ADAMTS16: variants seen among roughly 807,000 people sequenced by gnomAD.
ADAMTS16 encodes the protein A disintegrin and metalloproteinase with thrombospondin motifs 16.
ADAMTS16 carries 94 observed loss-of-function variants against 145.8 expected under a neutral mutation model. The observed-to-expected ratio is 0.64, with a 90% CI of 0.55 to 0.77. The LOEUF (loss-of-function observed/expected upper bound fraction) is 0.77, where lower values mean the gene tolerates loss of function less well. ADAMTS16 is among the 30% of genes least tolerant of loss of function. The pLI, the probability that ADAMTS16 is intolerant of heterozygous loss-of-function variation, is 0.00. For synonymous variants in ADAMTS16, 659 were observed against 604.3 expected, an observed-to-expected ratio of 1.09 and a Z score of -1.33; for missense variants, 1,585 against 1,591.5, an observed-to-expected ratio of 1.00 and a Z score of 0.07.
At chr5:5,234,934 A>T in intron 12 of ADAMTS16, 80 bp from the exon 13 acceptor site, 1 of 1,246,292 alleles carries the variant, frequency 8.0e-7, no homozygotes, top group Non-Finnish European at 1.1e-6. Context: ...TCTTAGCTTC[A>T]TCTCTCCAAT....
chr5:5,200,111 C>CTCTT (rs1735915766), intron 8 of ADAMTS16, 21 bp from the exon 9 acceptor site: 1 of 1,567,638 alleles, frequency 6.4e-7, no homozygotes, highest in Non-Finnish European at 8.7e-7. Context: ...AGAACCATCT[C>CTCTT]TCTCTCTCTC....
intron 18 of ADAMTS16, among the ~76,000 whole-genome samples, chr5:5,292,462 C>A (rs1046086305): frequency 3.3e-5 from 5 of 151,786 alleles, no homozygotes; most frequent in South Asian, 2.1e-4. Context: ...TGTGCCATTG[C>A]ACTCCAGCCT....
intron 3 of ADAMTS16, among the ~76,000 whole-genome samples, chr5:5,173,279 C>T (rs1370288461): frequency 6.6e-6 from 1 of 150,784 alleles, no homozygotes; most frequent in African/African-American, 2.4e-5. Context: ...AGGACTTACT[C>T]CTGCTATTTT....
At chr5:5,196,263 T>C (rs1285999975) in intron 8 of ADAMTS16, among the ~76,000 whole-genome samples, 1 of 134,260 alleles carries the variant, frequency 7.4e-6, no homozygotes, top group Non-Finnish European at 1.6e-5. Context: ...AAAAGCAGCA[T>C]TGGTGTCACT....
At chr5:5,243,712 A>T (rs1466404510) in intron 17 of ADAMTS16, among the ~76,000 whole-genome samples, 1 of 152,232 alleles carries the variant, frequency 6.6e-6, no homozygotes, top group East Asian at 1.9e-4. Flanking sequence ...AATGAATTCC[A>T]TGGAAACATC....
chr5:5,207,569 A>G (rs1736161650), intron 9 of ADAMTS16, among the ~76,000 whole-genome samples: 1 of 152,072 alleles, frequency 6.6e-6, no homozygotes, highest in African/African-American at 2.4e-5. Context: ...CTTCCAATAC[A>G]ATGTTGAAAG....
intron 3 of ADAMTS16, among the ~76,000 whole-genome samples, chr5:5,168,658 T>G (rs1245586720): frequency 2.7e-5 from 3 of 112,500 alleles, no homozygotes; most frequent in Admixed American, 1.2e-4. Context: ...ATTTATATAT[T>G]ATATTTATAT....
chr5:5,276,290 G>C lies in ADAMTS16; in HGVS notation c.2789+13507G>C, dbSNP rs186492092. Among the ~76,000 whole-genome samples, 83 of 152,198 alleles carry C rather than the reference G, an allele frequency of 5.5e-4. 1 individual carries two copies. In the Middle Eastern group the frequency reaches 0.017, roughly 31 times the overall value. ...TCTTTTCTTCATCTTACCGTTTCATGTCTCTGCTCATTTCTAACGAATCTG... is the reference window on the plus strand; with the variant it reads ...TCTTTTCTTCATCTTACCGTTTCATCTCTCTGCTCATTTCTAACGAATCTG... On this transcript the variant is annotated intron_variant, in intron 18 of 22. Coordinates refer to ENST00000274181, the MANE Select transcript of ADAMTS16 (RefSeq NM_139056.4).
Position 5,182,103 on chromosome 5 carries a change from C to T in ADAMTS16, c.561C>T (p.Leu187=). 6.2e-7 allele frequency: 1 copy of T among 1,614,016 alleles called. No homozygotes were observed. Among genetic ancestry groups the T allele is most frequent in the South Asian group, 1.1e-5 (1 of 91,072 alleles). Reference sequence around the variant, plus strand: ...TCCTAAGGCCACTTCCTTCACACCTCTCATGGAAACTCGGCAGAGCTGCCC... The same window carrying T: ...TCCTAAGGCCACTTCCTTCACACCTTTCATGGAAACTCGGCAGAGCTGCCC... The part of the protein sequence containing the change: ...DYFLRPLPSH[L]SWKLGRAAQG... The change falls in exon 4 of 23, where the codon CTC becomes CTT. Residue 187 remains leucine, a synonymous_variant. Coordinates refer to ENST00000274181, the MANE Select transcript of ADAMTS16 (RefSeq NM_139056.4).
chr5:5,273,907 A>G (rs948836699), intron 18 of ADAMTS16, among the ~76,000 whole-genome samples: 4 of 152,232 alleles, frequency 2.6e-5, no homozygotes, highest in African/African-American at 9.6e-5. Context: ...GAATTTGAAT[A>G]TGTCATTGTA....
At chr5:5,227,764 A>G (rs959407713) in intron 11 of ADAMTS16, among the ~76,000 whole-genome samples, 2 of 152,188 alleles carry the variant, frequency 1.3e-5, no homozygotes, top group Non-Finnish European at 2.9e-5. Flanking sequence ...ATTACTTTTG[A>G]TTGCAAAAAC....
At chr5:5,162,157 G>A (rs931352700) in intron 3 of ADAMTS16, among the ~76,000 whole-genome samples, 11 of 152,158 alleles carry the variant, frequency 7.2e-5, no homozygotes, top group African/African-American at 2.4e-5. Context: ...ATCTGAAAAT[G>A]TACCCATTAT....
At chr5:5,287,643 G>A (rs190824478) in intron 18 of ADAMTS16, among the ~76,000 whole-genome samples, 19 of 152,320 alleles carry the variant, frequency 1.2e-4, no homozygotes, top group Admixed American at 3.3e-4. Context: ...GAATGTCCCT[G>A]AGGCTCCGGG....
In ADAMTS16 at chr5:5,269,797, C is replaced by T. The variant is rs1014127622; in HGVS notation, c.2789+7014C>T. 2.0e-5 allele frequency among the ~76,000 whole-genome samples: 3 copies of T among 152,198 alleles called. No individual in the cohort carries two copies. The highest frequency in any genetic ancestry group is 7.2e-5 in the African/African-American group (3 of 41,444). ...TTGGAGCTGAAGACATCCCTGCGTT[C>T]TGCTGTGTCCTATCTTCTACACTTG... On this transcript the variant is annotated intron_variant, in intron 18 of 22. Coordinates refer to ENST00000274181, the MANE Select transcript of ADAMTS16 (RefSeq NM_139056.4). This position sits in a 1 kb window ranked among gnomAD's most constrained non-coding sequence, Gnocchi z 4.3.
chr5:5,188,561 T>C (rs1024891115), intron 6 of ADAMTS16, among the ~76,000 whole-genome samples: 1 of 152,230 alleles, frequency 6.6e-6, no homozygotes, highest in African/African-American at 2.4e-5. Context: ...GAGTGGGTAC[T>C]GGACAGGAGC....
intron 3 of ADAMTS16, among the ~76,000 whole-genome samples, chr5:5,156,683 A>G (rs1734612929): frequency 6.6e-6 from 1 of 152,220 alleles, no homozygotes; most frequent in African/African-American, 2.4e-5. Context: ...CAGTTTCCTC[A>G]GTAGGCTTGG....
At chr5:5,271,444 G>A (rs567268406) in intron 18 of ADAMTS16, among the ~76,000 whole-genome samples, 20 of 152,374 alleles carry the variant, frequency 1.3e-4, no homozygotes, top group Admixed American at 1.2e-3. Context: ...CTCCCTGCGC[G>A]GGCACTGCCC....
chr5:5,280,857 G>A (rs566132872), intron 18 of ADAMTS16, among the ~76,000 whole-genome samples: 94 of 152,284 alleles, frequency 6.2e-4, no homozygotes, highest in Admixed American at 5.1e-3. Context: ...CTCATCCCAC[G>A]TTGCTCAGAA....
intron 21 of ADAMTS16, among the ~76,000 whole-genome samples, chr5:5,309,855 T>TGTGTGTGTGC (rs1025058238): frequency 6.7e-6 from 1 of 149,684 alleles, no homozygotes; most frequent in African/African-American, 2.5e-5. Flanking sequence ...TGTGTGTGTG[T>TGTGTGTGTGC]GCATGTGATC....
Sources: gnomAD v4.1 joint callset for allele counts (sites outside exome capture counted in the v4.1 genomes callset) on GRCh38, gnomAD v4.1.1 for gene constraint, Gnocchi (gnomAD v3.1) non-coding constraint, MANE v1.5 for transcripts, NCBI Gene and HGNC (gene_info 2026-07-23, HGNC 2026-07-21) for gene names.